Variants in ZGRF1 observed in about 807,000 individuals in gnomAD.
ZGRF1 encodes 5'-3' DNA helicase ZGRF1.
A neutral mutation model predicts 203.5 loss-of-function variants in ZGRF1; 196 were observed. The observed-to-expected ratio is 0.96, with a 90% CI of 0.86 to 1.08. ZGRF1 has a LOEUF of 1.08. ZGRF1 is among the 50% of genes least tolerant of loss of function. ZGRF1 has a pLI of 0.00. For missense variants in ZGRF1, 2,326 were observed against 2,416.3 expected, an observed-to-expected ratio of 0.96 and a Z score of 0.78; for synonymous variants, 809 against 841.3, an observed-to-expected ratio of 0.96 and a Z score of 0.66.
rs144740616 is a variant in ZGRF1, at chr4:112,602,160, G to A, written c.2976+1364C>T. On this transcript the variant is annotated intron_variant, in intron 10 of 27. Coordinates refer to ENST00000505019, the MANE Select transcript of ZGRF1 (RefSeq NM_018392.5). The stretch of plus-strand genomic sequence containing the variant: ...AGAGGTTGCAGTGAGCCAAGATCAC[G>A]CCATTGCACTCCAGTCTGGGCAACA... Among the ~76,000 whole-genome samples, 27 of 151,924 alleles carry A rather than the reference G, an allele frequency of 1.8e-4. No homozygotes were observed. In the East Asian group the frequency reaches 5.0e-3, roughly 28 times the overall value.
chr4:112,589,731 G>T lies in ZGRF1; in HGVS notation c.3120C>A (p.Asn1040Lys). 6.2e-7 allele frequency: 1 copy of T among 1,613,764 alleles called. No individual in the cohort carries two copies. The part of the protein sequence containing the change: ...RTLPDDLHFL[N>K]LEGMKKSRSL... ...CAATGTGGTAACGACTACCCTCCAAGTTGAGAAAATGAAGATCATCAGGTA... is the reference window on the plus strand; with the variant it reads ...CAATGTGGTAACGACTACCCTCCAATTTGAGAAAATGAAGATCATCAGGTA... The change falls in exon 11 of 28, where the codon AAC becomes AAA. Residue 1040 changes from asparagine to lysine, a missense_variant. Coordinates refer to ENST00000505019, the MANE Select transcript of ZGRF1 (RefSeq NM_018392.5).
In ZGRF1 at chr4:112,579,596, G is replaced by A. The variant is rs796697015; in HGVS notation, c.4438+2067C>T. 1.6e-5 allele frequency among the ~76,000 whole-genome samples: 2 copies of A among 121,796 alleles called. 1 individual carries two copies. Among genetic ancestry groups the A allele is most frequent in the Non-Finnish European group, 3.7e-5 (2 of 54,682 alleles). The allele number at this position is 121,796 out of a possible 152,430, so 79.9% of individuals were successfully genotyped here. ...AAGTCTCAGGATACAAAATCAATGT[G>A]CAAAAATCATAAGCATTCTTATACA... On this transcript the variant is annotated intron_variant, in intron 16 of 27. Transcript: ENST00000505019.
Position 112,584,190 on chromosome 4 carries a change from AAAGATC to A in ZGRF1, c.4102-22_4102-17del. On this transcript the variant is annotated splice_polypyrimidine_tract_variant and intron_variant, in intron 14 of 27. Coordinates refer to ENST00000505019, the MANE Select transcript of ZGRF1 (RefSeq NM_018392.5). Reference sequence around the variant, plus strand: ...AGAGACGACCCTAAGGGGAAAGAAAAAAGATCAACATTTAGTGAAAAAAATGCTTTT... The same window carrying A: ...AGAGACGACCCTAAGGGGAAAGAAAAAACATTTAGTGAAAAAAATGCTTTT... The A allele has an allele frequency of 3.9e-6, 6 of 1,523,672 alleles. No individual in the cohort carries two copies. The highest frequency in any genetic ancestry group is 5.3e-6 in the Non-Finnish European group (6 of 1,132,338). The allele number at this position is 1,523,672 out of a possible 1,614,324, so 94.4% of individuals were successfully genotyped here.
chr4:112,621,194 G>C (rs1170891313), intron 4 of ZGRF1, among the ~76,000 whole-genome samples: 1 of 151,970 alleles, frequency 6.6e-6, no homozygotes. Flanking sequence ...AAAAATTAGA[G>C]TTATTACCAA....
chr4:112,563,305 C>T (rs1159046557), intron 16 of ZGRF1, 31 bp from the exon 17 acceptor site: 10 of 1,476,432 alleles, frequency 6.8e-6, no homozygotes, highest in Non-Finnish European at 9.2e-6. Flanking sequence ...AAATATTACA[C>T]AGACATATAC....
intron 3 of ZGRF1, among the ~76,000 whole-genome samples, chr4:112,629,008 C>A (rs988037441): frequency 2.0e-5 from 3 of 152,144 alleles, no homozygotes; most frequent in African/African-American, 7.2e-5. Context: ...TTGAACATAG[C>A]GATATTAACT....
In ZGRF1 at chr4:112,587,618, G is replaced by A. The variant is rs771308113; in HGVS notation, c.3439C>T (p.Leu1147=). ...CATTGGGATGTGTTTTGATATTTCA[G>A]CCACTTGCTCTGAGTAGATATATTA... ...LNNISTQSKW[L]KYQNTSQCNV... is the part of the protein sequence containing the mutation. Residue 1147 remains leucine, a synonymous_variant, in exon 12 of 28, where the codon CTG becomes TTG. Transcript: ENST00000505019. 8 of 1,613,660 alleles carry A rather than the reference G, an allele frequency of 5.0e-6. No individual in the cohort carries two copies. In the Admixed American group the frequency reaches 1.3e-4, roughly 27 times the overall value.
intron 4 of ZGRF1, among the ~76,000 whole-genome samples, chr4:112,620,646 G>A (rs942942283): frequency 3.3e-5 from 5 of 152,064 alleles, no homozygotes; most frequent in African/African-American, 1.2e-4. Context: ...ATTGCTTGAA[G>A]CCAGGAGGTC....
intron 16 of ZGRF1, among the ~76,000 whole-genome samples, chr4:112,570,945 A>C (rs1744097830): frequency 6.6e-6 from 1 of 152,010 alleles, no homozygotes; most frequent in South Asian, 2.1e-4. Context: ...TCTACTAAAA[A>C]TACAAAAAGT....
chr4:112,615,273 G>C lies in ZGRF1; in HGVS notation c.2602+2167C>G, dbSNP rs995837709. Reference sequence around the variant, plus strand: ...GATGGAGTCTTGCTCTGTCACCCAGGCTAAAGTGCAGTGACACAATCTCTA... The same window carrying C: ...GATGGAGTCTTGCTCTGTCACCCAGCCTAAAGTGCAGTGACACAATCTCTA... On this transcript the variant is annotated intron_variant, in intron 6 of 27. Coordinates refer to ENST00000505019, the MANE Select transcript of ZGRF1 (RefSeq NM_018392.5). Among the ~76,000 whole-genome samples, 4 of 152,038 alleles carry C rather than the reference G, an allele frequency of 2.6e-5. No homozygotes were observed. In the East Asian group the frequency reaches 7.7e-4, roughly 29 times the overall value.
intron 1 of ZGRF1, among the ~76,000 whole-genome samples, chr4:112,635,126 T>A: frequency 7.7e-6 from 1 of 129,326 alleles, no homozygotes; most frequent in African/African-American, 2.9e-5. Context: ...CGAGACTCCA[T>A]CTCAAAAAAA....
chr4:112,599,001 A>G (rs777233100), intron 10 of ZGRF1, among the ~76,000 whole-genome samples: 4 of 152,132 alleles, frequency 2.6e-5, no homozygotes, highest in Non-Finnish European at 5.9e-5. Context: ...CAGTGAGCCA[A>G]TATCATGCCA....
At chr4:112,597,056 A>G (rs1560828834) in intron 10 of ZGRF1, among the ~76,000 whole-genome samples, 2 of 151,844 alleles carry the variant, frequency 1.3e-5, no homozygotes, top group Non-Finnish European at 2.9e-5. Context: ...TCCATTAAAA[A>G]TACAAAAATT....
At chr4:112,583,948 C>T (rs1746706800) in intron 15 of ZGRF1, 30 bp downstream of exon 15, 6 of 1,406,296 alleles carry the variant, frequency 4.3e-6, no homozygotes, top group Non-Finnish European at 5.8e-6. Context: ...TATATAATCA[C>T]AGGCAATTAT....
At chr4:112,610,774 A>G (rs1751460068) in intron 7 of ZGRF1, 1 of 155,338 alleles carries the variant, frequency 6.4e-6, no homozygotes, top group African/African-American at 2.4e-5. Flanking sequence ...TAAATGACCA[A>G]AACAGAGAAC....
intron 13 of ZGRF1, among the ~76,000 whole-genome samples, 180 bp from the exon 14 acceptor site, chr4:112,585,905 A>C (rs941071496): frequency 2.6e-5 from 3 of 116,392 alleles, no homozygotes; most frequent in Non-Finnish European, 1.7e-5. Context: ...ACTTCTAGTT[A>C]AAAAAAAAAA....
intron 16 of ZGRF1, among the ~76,000 whole-genome samples, chr4:112,568,509 G>A (rs1168640038): frequency 2.6e-5 from 4 of 151,384 alleles, no homozygotes; most frequent in South Asian, 4.2e-4. Flanking sequence ...TCAGGAGTTC[G>A]ACACCAGCCT....
chr4:112,540,893 T>C lies in ZGRF1; in HGVS notation c.5838A>G (p.Gln1946=), dbSNP rs368646806. 4 of 1,585,290 alleles carry C rather than the reference T, an allele frequency of 2.5e-6. No homozygotes were observed. Among genetic ancestry groups the C allele is most frequent in the East Asian group, 4.5e-5 (2 of 43,964 alleles). Residue 1946 remains glutamine (Q), a synonymous_variant, in exon 26 of 28, where the codon CAA becomes CAG. Transcript: ENST00000505019. ...CTGCTATTCCACTTGCAATCAGTGA[T>C]TGAATCAGCTTGAGTGTAAACGTAG... ...AEATFTLKLI[Q]SLIASGIAGS...
Position 112,619,428 on chromosome 4 carries a change from T to A in ZGRF1, c.614A>T (p.Glu205Val). ...AAAATAATTTTCTTCACACAGCACT[T>A]CTGGGTTAATCTGGAAGGATGGAGA... ...VFSPSFQINP[E>V]VLCEENYFCS... The change falls in exon 6 of 28, where the codon GAA becomes GTA. Residue 205 changes from glutamate (E) to valine (V), a missense_variant. Glu to Val is a moderately radical substitution (Grantham distance 121, BLOSUM62 -2). Transcript: ENST00000505019. The A allele has an allele frequency of 6.2e-7, 1 of 1,612,504 alleles. No individual in the cohort carries two copies. Among genetic ancestry groups the A allele is most frequent in the Non-Finnish European group, 8.5e-7 (1 of 1,179,316 alleles).
Sources: allele counts gnomAD v4.1 joint callset (sites outside exome capture counted in the v4.1 genomes callset), GRCh38; gene constraint gnomAD v4.1.1; transcripts MANE v1.5; gene names NCBI Gene and HGNC (gene_info 2026-07-23, HGNC 2026-07-21).